NELL1: variants seen among roughly 807,000 people sequenced by gnomAD.
NELL1 encodes neural EGFL like 1.
Under a neutral mutation model 107.4 loss-of-function variants are expected in NELL1, and 76 were observed. The observed-to-expected ratio is 0.71, with a 90% confidence interval of 0.59 to 0.86. The LOEUF (loss-of-function observed/expected upper bound fraction) is 0.86. NELL1 is among the 40% of genes least tolerant of loss of function. NELL1 has a pLI of 0.00. For synonymous variants in NELL1, 353 were observed against 341.2 expected (o/e 1.03, Z -0.38); for missense variants, 1,024 against 1,005.5 (o/e 1.02, Z -0.25).
chr11:20,922,814 C>T (rs1165419782), intron 7 of NELL1, among the ~76,000 whole-genome samples: 2 of 152,074 alleles, frequency 1.3e-5, no homozygotes, highest in African/African-American at 4.8e-5. Flanking sequence ...CGACTTGTTT[C>T]AGCATCTGTT....
chr11:20,940,195 C>T (rs1850820020), intron 10 of NELL1, among the ~76,000 whole-genome samples: 1 of 149,564 alleles, frequency 6.7e-6, no homozygotes, highest in Admixed American at 6.7e-5. Context: ...CTCCGTCCCT[C>T]TCTCTCTCTC....
intron 15 of NELL1, among the ~76,000 whole-genome samples, chr11:21,435,998 T>G (rs1853107762): frequency 6.6e-6 from 1 of 152,178 alleles, no homozygotes; most frequent in South Asian, 2.1e-4. Context: ...AGACTTTTAT[T>G]ACTGATTCAA....
chr11:21,222,101 G>A (rs919566555), intron 13 of NELL1, among the ~76,000 whole-genome samples: 22 of 151,958 alleles, frequency 1.4e-4, no homozygotes, highest in Admixed American at 2.6e-4. Flanking sequence ...TTAGTCTAGC[G>A]AAAGGTTTGT....
At chr11:21,322,888 C>G (rs2133669644) in intron 14 of NELL1, among the ~76,000 whole-genome samples, 1 of 152,214 alleles carries the variant, frequency 6.6e-6, no homozygotes, top group South Asian at 2.1e-4. Context: ...TCCCAATTTC[C>G]TGCTTTGCCT....
intron 12 of NELL1, among the ~76,000 whole-genome samples, chr11:21,048,737 TTC>T (rs1853416821): frequency 6.6e-6 from 1 of 152,176 alleles, no homozygotes; most frequent in African/African-American, 2.4e-5. Context: ...CTTCCCTCCC[TTC>T]CCTTCCATGC....
chr11:21,033,916 T>G (rs1225424821), intron 12 of NELL1, among the ~76,000 whole-genome samples: 1 of 152,220 alleles, frequency 6.6e-6, no homozygotes, highest in Non-Finnish European at 1.5e-5. Context: ...TTTTTGGACT[T>G]TTTAATGATA....
At chr11:20,997,348 G>A (rs986314712) in intron 12 of NELL1, among the ~76,000 whole-genome samples, 1 of 152,200 alleles carries the variant, frequency 6.6e-6, no homozygotes, top group Admixed American at 6.5e-5. Context: ...TCAGTGGTTC[G>A]TCTGTATGTT....
At chr11:20,786,439 G>T (rs1856960509) in intron 3 of NELL1, among the ~76,000 whole-genome samples, 1 of 151,932 alleles carries the variant, frequency 6.6e-6, no homozygotes, top group African/African-American at 2.4e-5. Flanking sequence ...AGGCATAGAG[G>T]TCTCTTACCA....
chr11:21,531,402 G>A (rs1855986551), intron 15 of NELL1, among the ~76,000 whole-genome samples: 1 of 152,072 alleles, frequency 6.6e-6, no homozygotes. Flanking sequence ...ACTAGTTCTA[G>A]CTAGTTTTGA....
At chr11:21,565,399 A>T (rs1591041094) in intron 17 of NELL1, among the ~76,000 whole-genome samples, 1 of 151,754 alleles carries the variant, frequency 6.6e-6, no homozygotes, top group East Asian at 2.0e-4. Context: ...TGACTGGGTG[A>T]TGTTTTTTCT....
At chr11:21,289,361 G>T (rs1455102783) in intron 14 of NELL1, among the ~76,000 whole-genome samples, 3 of 152,182 alleles carry the variant, frequency 2.0e-5, no homozygotes, top group Admixed American at 6.5e-5. Flanking sequence ...CCCACGGAGG[G>T]TGAGCCAAAG....
At chr11:21,207,780 T>A (rs1857420231) in intron 13 of NELL1, among the ~76,000 whole-genome samples, 1 of 152,170 alleles carries the variant, frequency 6.6e-6, no homozygotes, top group South Asian at 2.1e-4. Flanking sequence ...CACAAAGAGT[T>A]TGCCAAACCT....
At chr11:21,572,487 G>GGTATTATGCCATAGATTAATATTA (rs796654055) in intron 18 of NELL1, among the ~76,000 whole-genome samples, 16,172 of 151,592 alleles carry the variant, frequency 0.11, 2,822 homozygotes, top group African/African-American at 0.37. Context: ...GCCATATATT[G>GGTATTATGCCATAGATTAATATTA]TAAGGTATTA....
intron 2 of NELL1, among the ~76,000 whole-genome samples, chr11:20,741,560 C>G (rs1014431085): frequency 1.3e-5 from 2 of 152,100 alleles, no homozygotes; most frequent in South Asian, 4.1e-4. Flanking sequence ...GTCAAGCCAC[C>G]AAGAACATCA....
rs375928751 is a variant in NELL1, at chr11:21,550,508, C to G, written c.1787-9681C>G. 5.3e-5 allele frequency among the ~76,000 whole-genome samples: 8 copies of G among 151,824 alleles called. No homozygotes were observed. The East Asian group carries it at 7.8e-4, about 15-fold the overall frequency. Reference sequence around the variant, plus strand: ...TTAAGTCTTTAATCCATCTTGAATTCATTTTTGTATAAGGTGTAAGGAAGG... The same window carrying G: ...TTAAGTCTTTAATCCATCTTGAATTGATTTTTGTATAAGGTGTAAGGAAGG... On this transcript the variant is annotated intron_variant, in intron 16 of 19. Transcript: ENST00000357134.
intron 15 of NELL1, among the ~76,000 whole-genome samples, chr11:21,525,278 C>A (rs965981635): frequency 6.6e-6 from 1 of 152,046 alleles, no homozygotes; most frequent in Non-Finnish European, 1.5e-5. Context: ...ATAGCAGGTA[C>A]CTTTCAGATT....
intron 3 of NELL1, among the ~76,000 whole-genome samples, chr11:20,841,000 C>T (rs919475): frequency 1 from 152,340 of 152,344 alleles, 76,168 homozygotes; most frequent in Non-Finnish European, 1. Context: ...TTCAGCACTT[C>T]TTCTTTTTGC....
chr11:21,233,266 G>T (rs1858112546), intron 14 of NELL1, among the ~76,000 whole-genome samples: 1 of 152,126 alleles, frequency 6.6e-6, no homozygotes, highest in Admixed American at 6.5e-5. Context: ...ATCTCATTTA[G>T]TTCCCACCAT....
chr11:21,080,909 G>GCA (rs145349709), intron 12 of NELL1, among the ~76,000 whole-genome samples: 1 of 149,580 alleles, frequency 6.7e-6, no homozygotes, highest in Non-Finnish European at 1.5e-5. Flanking sequence ...ACACACACAC[G>GCA]CACACACACA....
Sources: gnomAD v4.1 joint callset for allele counts (sites outside exome capture counted in the v4.1 genomes callset) on GRCh38, gnomAD v4.1.1 for gene constraint, MANE v1.5 for transcripts, NCBI Gene and HGNC (gene_info 2026-07-23, HGNC 2026-07-21) for gene names.